Variants in SDK1 observed in about 807,000 individuals in gnomAD.
The protein encoded by SDK1 is sidekick cell adhesion molecule 1.
Under a neutral mutation model 245.5 loss-of-function variants are expected in SDK1, and 157 were observed. That is an observed-to-expected ratio of 0.64 (90% confidence interval 0.56 to 0.73). The LOEUF (loss-of-function observed/expected upper bound fraction) is 0.73, where lower values mean the gene tolerates loss of function less well. SDK1 is among the 30% of genes least tolerant of loss of function. The pLI is 0.00. For synonymous variants in SDK1, 1,647 were observed against 1,278.5 expected, an observed-to-expected ratio of 1.29 and a Z score of -6.15; for missense variants, 3,583 against 3,002.3, an observed-to-expected ratio of 1.19 and a Z score of -4.52.
chr7:3,413,741 A>G (rs1779280072), intron 1 of SDK1, among the ~76,000 whole-genome samples: 1 of 152,296 alleles, frequency 6.6e-6, no homozygotes, highest in Non-Finnish European at 1.5e-5. Flanking sequence ...TCACACCTGC[A>G]CTTTGCGAGG....
chr7:3,864,839 A>G (rs904702043), intron 5 of SDK1, among the ~76,000 whole-genome samples: 1 of 152,202 alleles, frequency 6.6e-6, no homozygotes, highest in African/African-American at 2.4e-5. Flanking sequence ...GGGAATGACA[A>G]TAGTGGATCA....
chr7:3,880,832 G>C (rs1435365170), intron 5 of SDK1, among the ~76,000 whole-genome samples: 1 of 152,084 alleles, frequency 6.6e-6, no homozygotes, highest in Non-Finnish European at 1.5e-5. Flanking sequence ...ACTGTGATCT[G>C]ACAGTGGAAG....
intron 1 of SDK1, among the ~76,000 whole-genome samples, chr7:3,488,126 CT>C (rs1781758050): frequency 6.6e-6 from 1 of 152,128 alleles, no homozygotes; most frequent in Non-Finnish European, 1.5e-5. Context: ...TACCTTTTAT[CT>C]TTACTTTGCC....
intron 1 of SDK1, among the ~76,000 whole-genome samples, chr7:3,449,587 C>T (rs972830782): frequency 6.6e-6 from 1 of 152,124 alleles, no homozygotes; most frequent in Non-Finnish European, 1.5e-5. Context: ...TCTGTAAACA[C>T]CTTGAATATT....
At chr7:4,007,965 A>G (rs1785620745) in intron 14 of SDK1, among the ~76,000 whole-genome samples, 1 of 152,170 alleles carries the variant, frequency 6.6e-6, no homozygotes, top group South Asian at 2.1e-4. Flanking sequence ...GCTCAGTGGC[A>G]TTAAACACAT....
chr7:3,961,554 G>A (rs533561609), intron 8 of SDK1, among the ~76,000 whole-genome samples: 25 of 152,310 alleles, frequency 1.6e-4, no homozygotes, highest in African/African-American at 5.8e-4. Flanking sequence ...AGAGCTAAGT[G>A]TAGATATGCC....
chr7:3,577,190 A>AC (rs758073402), intron 1 of SDK1, among the ~76,000 whole-genome samples: 55 of 151,948 alleles, frequency 3.6e-4, no homozygotes, highest in Non-Finnish European at 6.3e-4. Flanking sequence ...CTACTGCAAG[A>AC]CCCCCATAGC....
intron 6 of SDK1, 133 bp from the exon 7 acceptor site, chr7:3,951,597 G>A (rs1009578425): frequency 7.3e-6 from 5 of 689,040 alleles, no homozygotes; most frequent in Non-Finnish European, 9.9e-6. Flanking sequence ...TGAGTTTTCA[G>A]TGTCCGTTGT....
chr7:4,132,242 T>A (rs1784878172), intron 27 of SDK1, 83 bp from the exon 28 acceptor site: 3 of 1,103,716 alleles, frequency 2.7e-6, no homozygotes, highest in Admixed American at 3.9e-5. Flanking sequence ...TGCAGCCAGC[T>A]GACCCTCGGA....
intron 25 of SDK1, among the ~76,000 whole-genome samples, chr7:4,124,030 G>T (rs1784230621): frequency 6.6e-6 from 1 of 152,356 alleles, no homozygotes; most frequent in South Asian, 2.1e-4. Flanking sequence ...CTCGCGTCCT[G>T]AGGCTTAGTC....
intron 1 of SDK1, among the ~76,000 whole-genome samples, chr7:3,593,803 G>A (rs182808788): frequency 3.2e-4 from 49 of 152,274 alleles, no homozygotes; most frequent in African/African-American, 1.1e-3. Context: ...GACAGGTTCC[G>A]GGTTCTGGCT....
rs891816192 is a variant in SDK1 at position 4,210,039 on chromosome 7, A to G, written c.5416A>G (p.Ser1806Gly). ...TATTCTCCCAGCCCCTGGGGCCCCC[A>G]GCTTTCTGGCGTTCTCAGAAATAAC... ...RTHQAAPGAP[S>G]FLAFSEITST... Residue 1806 changes from serine (S) to glycine (G), a missense_variant, in exon 38 of 45, where the codon AGC becomes GGC. By Grantham distance (56) the Ser-to-Gly change is moderately conservative (BLOSUM62 0). Coordinates refer to ENST00000404826, the MANE Select transcript of SDK1 (RefSeq NM_152744.4). The G allele has an allele frequency of 6.3e-7, 1 of 1,590,698 alleles. No individual in the cohort carries two copies. The highest frequency in any genetic ancestry group is 2.3e-5 in the East Asian group (1 of 44,312).
intron 4 of SDK1, among the ~76,000 whole-genome samples, chr7:3,784,238 A>G (rs1255775170): frequency 1.3e-5 from 2 of 151,968 alleles, no homozygotes; most frequent in Non-Finnish European, 2.9e-5. Flanking sequence ...ATTTTCAACA[A>G]AGATATTATG....
chr7:4,106,756 A>G (rs1052609026), intron 22 of SDK1, among the ~76,000 whole-genome samples: 1 of 151,984 alleles, frequency 6.6e-6, no homozygotes, highest in East Asian at 1.9e-4. Flanking sequence ...TCTCCCGGGC[A>G]GCCTCCCGGG....
chr7:4,125,087 GATGGATGGATGAGTGA>G (rs1178562321), intron 25 of SDK1, among the ~76,000 whole-genome samples: 2 of 149,922 alleles, frequency 1.3e-5, no homozygotes, highest in Admixed American at 6.7e-5. Context: ...ATGGATGGAT[GATGGATGGATGAGTGA>G]ATGGATGGAT....
At chr7:3,717,386 T>G (rs2115025106) in intron 4 of SDK1, among the ~76,000 whole-genome samples, 1 of 152,254 alleles carries the variant, frequency 6.6e-6, no homozygotes, top group East Asian at 1.9e-4. Context: ...AACACTGAAC[T>G]GAATGAAAAA....
intron 44 of SDK1, among the ~76,000 whole-genome samples, chr7:4,247,960 G>A (rs928307816): frequency 2.0e-5 from 3 of 152,138 alleles, no homozygotes; most frequent in Admixed American, 1.3e-4. Flanking sequence ...TAGAGCAGGC[G>A]GGCAGGATTG....
rs761361734 is a variant in SDK1 at position 4,178,471 on chromosome 7, C to T, written c.4997-14C>T. 3 of 1,594,608 alleles carry T rather than the reference C, an allele frequency of 1.9e-6. No homozygotes were observed. In the South Asian group the frequency reaches 3.3e-5, roughly 18 times the overall value. Reference sequence around the variant, plus strand: ...CCTGGTGGAAGCTGATCCATATTTCCTTCAACCCTGCAGATTTAAAGAAGT... The same window carrying T: ...CCTGGTGGAAGCTGATCCATATTTCTTTCAACCCTGCAGATTTAAAGAAGT... On this transcript the variant is annotated splice_polypyrimidine_tract_variant and intron_variant, in intron 34 of 44. Transcript: ENST00000404826.
At chr7:4,048,267 C>A (rs1562725541) in intron 17 of SDK1, among the ~76,000 whole-genome samples, 1 of 152,190 alleles carries the variant, frequency 6.6e-6, no homozygotes, top group African/African-American at 2.4e-5. Context: ...CCAGGACCTT[C>A]CTTCCACCCA....
Sources: allele counts gnomAD v4.1 joint callset (sites outside exome capture counted in the v4.1 genomes callset), GRCh38; gene constraint gnomAD v4.1.1; transcripts MANE v1.5; gene names NCBI Gene and HGNC (gene_info 2026-07-23, HGNC 2026-07-21).